The following CCDC57 variants were observed in gnomAD, a reference collection of about 807,000 sequenced individuals.
The protein encoded by CCDC57 is coiled-coil domain-containing protein 57.
In CCDC57, 118 loss-of-function variants were observed where a neutral mutation model predicts 118.9. The observed-to-expected ratio is 0.99, with a 90% confidence interval of 0.86 to 1.16. The LOEUF (loss-of-function observed/expected upper bound fraction) is 1.16. CCDC57 is among the 50% of genes most tolerant of loss of function. CCDC57 has a pLI of 0.00. For synonymous variants in CCDC57, 527 were observed against 532.9 expected (o/e 0.99, Z 0.15); for missense variants, 1,300 against 1,320.7 (o/e 0.98, Z 0.24).
chr17:82,156,122 C>A (rs532921879), intron 15 of CCDC57: 1 of 151,978 alleles, frequency 6.6e-6, no homozygotes, highest in Non-Finnish European at 1.5e-5. Flanking sequence ...ATGGTGAAAC[C>A]CTGTCTCTAC....
At chr17:82,198,886 G>A (rs1022370432) in intron 3 of CCDC57, among the ~76,000 whole-genome samples, 1 of 151,476 alleles carries the variant, frequency 6.6e-6, no homozygotes, top group African/African-American at 2.4e-5. Context: ...CCAGCTACTC[G>A]GGAGGCTGAG....
intron 4 of CCDC57, among the ~76,000 whole-genome samples, 172 bp from the exon 4 acceptor site, chr17:82,195,536 T>A (rs1392724588): frequency 6.6e-6 from 1 of 151,244 alleles, no homozygotes; most frequent in African/African-American, 2.4e-5. Flanking sequence ...AACAGCACTC[T>A]GGGAGGCCGA....
At chr17:82,125,743 C>T (rs1430580978) in intron 19 of CCDC57, among the ~76,000 whole-genome samples, 1 of 151,894 alleles carries the variant, frequency 6.6e-6, no homozygotes, top group Non-Finnish European at 1.5e-5. Flanking sequence ...CCAAGAAAAC[C>T]CTGAGAGAGA....
At chr17:82,139,169 G>A (rs1037890098) in intron 16 of CCDC57, among the ~76,000 whole-genome samples, 3 of 152,164 alleles carry the variant, frequency 2.0e-5, no homozygotes, top group African/African-American at 4.8e-5. Flanking sequence ...TGAAAACAGC[G>A]TCAACGTCTT....
chr17:82,106,865 GGCCC>G (rs1598609816), intron 19 of CCDC57, among the ~76,000 whole-genome samples: 1 of 152,296 alleles, frequency 6.6e-6, no homozygotes, highest in East Asian at 1.9e-4. Flanking sequence ...TTTCAAAAGG[GGCCC>G]ATGGGGCCTT....
At position 82,141,934 on chromosome 17, in the gene CCDC57, C is replaced by A. The variant is rs534502639; in HGVS notation, c.2456-7740G>T. Among the ~76,000 whole-genome samples, 10 of 152,288 alleles carry A rather than the reference C, an allele frequency of 6.6e-5. No homozygotes were observed. The South Asian group carries it at 1.7e-3, about 25-fold the overall frequency. ...TGTCTTTGCGATTTGAGCTGCTTTG[C>A]GATTTTACCACTGATAGGCATGCGG... On this transcript the variant is annotated intron_variant, in intron 16 of 19. Transcript: ENST00000665763.
intron 16 of CCDC57, among the ~76,000 whole-genome samples, chr17:82,150,567 G>A: frequency 1.9e-5 from 1 of 52,382 alleles, no homozygotes; most frequent in Non-Finnish European, 3.4e-5. Context: ...CCAGAACCAG[G>A]CGCACACTCA....
At position 82,151,564 on chromosome 17, in the gene CCDC57, G is replaced by A. The variant is rs111531014; in HGVS notation, c.2451C>T (p.Pro817=). The change falls in exon 16 of 20, where the codon CCC becomes CCT. Residue 817 remains proline, a synonymous_variant. Coordinates refer to ENST00000665763, the Ensembl canonical transcript of CCDC57. Reference sequence around the variant, plus strand: ...GCCTCCACTTCCCGGACTCACTTTCGGGTCGGCCCAGCTCTGCACGGAGCC... The same window carrying A: ...GCCTCCACTTCCCGGACTCACTTTCAGGTCGGCCCAGCTCTGCACGGAGCC... The A allele has an allele frequency of 9.4e-4, 1,459 of 1,550,096 alleles. 15 individuals carry two copies. The African/African-American group carries it at 0.016, about 17-fold the overall frequency.
At chr17:82,201,646 G>A (rs772113829) in exon 3 of CCDC57, 21 of 1,613,884 alleles carry the variant, frequency 1.3e-5, no homozygotes, top group Non-Finnish European at 1.8e-5. Flanking sequence ...CCTCAGCTTA[G>A]CTGCCTCTAT....
At chr17:82,103,235 G>A (rs1046089925) in intron 19 of CCDC57, among the ~76,000 whole-genome samples, 12 of 152,194 alleles carry the variant, frequency 7.9e-5, no homozygotes, top group Non-Finnish European at 1.6e-4. Context: ...CTTCCACTCC[G>A]ATCCACTCTT....
At chr17:82,151,633 G>C (rs1322105259) in exon 16 of CCDC57, 11 of 1,550,420 alleles carry the variant, frequency 7.1e-6, no homozygotes, top group Non-Finnish European at 9.6e-6. Context: ...GGCGGAGGCT[G>C]ATGATTTTTC....
intron 16 of CCDC57, among the ~76,000 whole-genome samples, chr17:82,151,166 C>T: frequency 1.2e-5 from 1 of 80,724 alleles, no homozygotes; most frequent in Admixed American, 1.6e-4. Context: ...ACCAGGCGCA[C>T]ACCCAGAACC....
intron 19 of CCDC57, among the ~76,000 whole-genome samples, chr17:82,116,488 C>T (rs2035940205): frequency 6.6e-6 from 1 of 152,148 alleles, no homozygotes; most frequent in South Asian, 2.1e-4. Context: ...TCCCCACCCC[C>T]ACAGCACAGC....
At chr17:82,188,050 G>T (rs1193291714) in intron 8 of CCDC57, among the ~76,000 whole-genome samples, 169 bp downstream of exon 7, 1 of 105,602 alleles carries the variant, frequency 9.5e-6, no homozygotes, top group Non-Finnish European at 2.0e-5. Flanking sequence ...TAAAGAAAAG[G>T]CAAAAAAAAA....
chr17:82,125,926 G>A (rs1382875872), intron 19 of CCDC57, among the ~76,000 whole-genome samples: 2 of 152,082 alleles, frequency 1.3e-5, no homozygotes, highest in South Asian at 2.1e-4. Context: ...GTGGGAGTCC[G>A]AATATGCGGG....
chr17:82,192,003 T>C lies in CCDC57; in HGVS notation c.851+1753A>G. On this transcript the variant is annotated intron_variant, in intron 7 of 19. Coordinates refer to ENST00000665763, the Ensembl canonical transcript of CCDC57. This position sits in a 1 kb window ranked among gnomAD's most constrained non-coding sequence, Gnocchi z 4.0. ...TTTTTATGACTTTTTTTTTTTTTTT[T>C]GAAACAGAGTCTCACTCTGTCACCC... Among the ~76,000 whole-genome samples the C allele has an allele frequency of 7.4e-6, 1 of 134,346 alleles. No individual in the cohort carries two copies. Among genetic ancestry groups the C allele is most frequent in the Non-Finnish European group, 1.6e-5 (1 of 62,562 alleles). 88.1% of individuals were successfully genotyped at this position (134,346 alleles called of 152,430 possible).
intron 2 of CCDC57, among the ~76,000 whole-genome samples, chr17:82,203,400 C>T (rs1386437396): frequency 6.6e-6 from 1 of 152,160 alleles, no homozygotes; most frequent in African/African-American, 2.4e-5. Flanking sequence ...TGAGAATGGT[C>T]TAATATACCA....
rs2042068984 is a variant in CCDC57, at chr17:82,151,507, A to G, written c.2455+53T>C. 2.2e-5 allele frequency: 33 copies of G among 1,519,658 alleles called. No homozygotes were observed. The South Asian group carries it at 3.4e-4, about 16-fold the overall frequency. The allele number at this position is 1,519,658 out of a possible 1,614,324, so 94.1% of individuals were successfully genotyped here. ...CTGGCGCACACCCAGAACCAGGTGC[A>G]CACCCAGAACCTGACCCACACTCAG... On this transcript the variant is annotated intron_variant, in intron 16 of 19. Transcript: ENST00000665763.
chr17:82,151,147 G>A (rs201324669), intron 16 of CCDC57, among the ~76,000 whole-genome samples: 8,734 of 36,036 alleles, frequency 0.24, 1,231 homozygotes, highest in Middle Eastern at 0.3. Context: ...AACCTGACCC[G>A]CACCTAGAAC....
Sources: allele counts gnomAD v4.1 joint callset (sites outside exome capture counted in the v4.1 genomes callset), GRCh38; gene constraint gnomAD v4.1.1; non-coding constraint Gnocchi (gnomAD v3.1); transcripts MANE v1.5; gene names NCBI Gene and HGNC (gene_info 2026-07-23, HGNC 2026-07-21).